ZFPM2: variants seen among roughly 807,000 people sequenced by gnomAD.
The protein encoded by ZFPM2 is zinc finger protein, FOG family member 2, also known as zinc finger protein ZFPM2.
In ZFPM2, 20 loss-of-function variants were observed where a neutral mutation model predicts 98.6. The observed-to-expected ratio is 0.20, with a 90% CI of 0.14 to 0.29. ZFPM2 has a LOEUF of 0.29. ZFPM2 is among the 10% of genes least tolerant of loss of function. ZFPM2 has a pLI of 1.00. For missense variants in ZFPM2, 1,310 were observed against 1,388.6 expected, an observed-to-expected ratio of 0.94 and a Z score of 0.90; for synonymous variants, 518 against 502.7, an observed-to-expected ratio of 1.03 and a Z score of -0.41.
intron 7 of ZFPM2, 67 bp downstream of exon 7, chr8:105,799,015 T>A: frequency 4.5e-6 from 6 of 1,340,976 alleles, no homozygotes; most frequent in Non-Finnish European, 6.3e-6. Flanking sequence ...TATATATGCA[T>A]TACATGTATA....
chr8:105,380,069 T>A (rs191718938), intron 1 of ZFPM2, among the ~76,000 whole-genome samples: 6 of 152,286 alleles, frequency 3.9e-5, no homozygotes, highest in Admixed American at 2.6e-4. Flanking sequence ...CACTCTCATC[T>A]TTCACCTAGT....
At chr8:105,599,391 T>TAAAAAAAAAA (rs71577982) in intron 4 of ZFPM2, among the ~76,000 whole-genome samples, 13 of 137,372 alleles carry the variant, frequency 9.5e-5, no homozygotes, top group Non-Finnish European at 1.4e-4. Context: ...TTTTCGTCTT[T>TAAAAAAAAAA]AAAAAAAAAA....
At chr8:105,611,492 A>G (rs917473294) in intron 4 of ZFPM2, among the ~76,000 whole-genome samples, 5 of 152,056 alleles carry the variant, frequency 3.3e-5, no homozygotes, top group Non-Finnish European at 7.3e-5. Context: ...GTAAGACAGG[A>G]CACATACTTC....
intron 4 of ZFPM2, among the ~76,000 whole-genome samples, chr8:105,598,479 T>C (rs1351766999): frequency 6.6e-6 from 1 of 152,142 alleles, no homozygotes; most frequent in Admixed American, 6.6e-5. Context: ...TTCATCAAAT[T>C]GTTTCAATGT....
rs1814142678 is a variant in ZFPM2, at chr8:105,804,447, G to A, written c.*909G>A. ...CAATACTGCACCTGGTGATCACAAAGATAATGTTCTACTTCTGATAGAAAT... is the reference window on the plus strand; with the variant it reads ...CAATACTGCACCTGGTGATCACAAAAATAATGTTCTACTTCTGATAGAAAT... On this transcript the variant is annotated 3_prime_UTR_variant, in exon 8 of 8. Coordinates refer to ENST00000407775, the MANE Select transcript of ZFPM2 (RefSeq NM_012082.4). The A allele has an allele frequency of 6.6e-6, 1 of 152,532 alleles. No homozygotes were observed. Among genetic ancestry groups the A allele is most frequent in the South Asian group, 2.1e-4 (1 of 4,822 alleles). The allele number at this position is 152,532 out of a possible 1,614,324, so 9.4% of individuals were successfully genotyped here.
At chr8:105,726,157 G>A (rs1372621) in intron 5 of ZFPM2, among the ~76,000 whole-genome samples, 23,112 of 151,518 alleles carry the variant, frequency 0.15, 2,138 homozygotes, top group East Asian at 0.32. Context: ...AGTAGGCTGC[G>A]TCTGGCTCAG....
intron 1 of ZFPM2, among the ~76,000 whole-genome samples, chr8:105,339,876 G>A (rs1045413126): frequency 2.6e-5 from 4 of 151,848 alleles, no homozygotes; most frequent in African/African-American, 9.7e-5. Flanking sequence ...CAGCAAAATT[G>A]CCCTTTGGAA....
chr8:105,705,162 A>G (rs929433577), intron 5 of ZFPM2, among the ~76,000 whole-genome samples: 1 of 152,134 alleles, frequency 6.6e-6, no homozygotes, highest in Non-Finnish European at 1.5e-5. Flanking sequence ...ATATATATAT[A>G]TATATGTATT....
At chr8:105,800,868 C>T (rs1447018760) in intron 7 of ZFPM2, among the ~76,000 whole-genome samples, 179 bp from the exon 8 acceptor site, 1 of 152,044 alleles carries the variant, frequency 6.6e-6, no homozygotes, top group African/African-American at 2.4e-5. Context: ...CTATAAAGTG[C>T]TATTAATATT....
chr8:105,788,029 C>A (rs1164389221), intron 5 of ZFPM2, among the ~76,000 whole-genome samples: 1 of 152,028 alleles, frequency 6.6e-6, no homozygotes, highest in African/African-American at 2.4e-5. Context: ...TTTAAATGAG[C>A]CTTTTTGAAA....
intron 4 of ZFPM2, among the ~76,000 whole-genome samples, chr8:105,589,300 A>G (rs1815793124): frequency 6.6e-6 from 1 of 152,224 alleles, no homozygotes; most frequent in Non-Finnish European, 1.5e-5. Context: ...ATCATAGATC[A>G]TCCAGACTTT....
At chr8:105,482,014 T>C (rs1813130270) in intron 3 of ZFPM2, among the ~76,000 whole-genome samples, 1 of 152,214 alleles carries the variant, frequency 6.6e-6, no homozygotes, top group South Asian at 2.1e-4. Flanking sequence ...GTAATCTGTA[T>C]CCCTTATTAT....
intron 5 of ZFPM2, among the ~76,000 whole-genome samples, chr8:105,638,873 T>G (rs1816898267): frequency 6.6e-6 from 1 of 152,072 alleles, no homozygotes; most frequent in South Asian, 2.1e-4. Flanking sequence ...TTATAAAAAT[T>G]TTTAAAAGTA....
chr8:105,641,447 T>C (rs1187593919), intron 5 of ZFPM2, among the ~76,000 whole-genome samples: 1 of 152,064 alleles, frequency 6.6e-6, no homozygotes. Flanking sequence ...GAATCTATGA[T>C]TGTAAAAATG....
At position 105,437,146 on chromosome 8, in the gene ZFPM2, A is replaced by G. The variant is rs1412728746; in HGVS notation, c.200-7134A>G. ...AAATTTTTTTATTAATGTGATATAT[A>G]TTGCATACCCCTTACCTAGTTTTAT... On this transcript the variant is annotated intron_variant, in intron 2 of 7. Coordinates refer to ENST00000407775, the MANE Select transcript of ZFPM2 (RefSeq NM_012082.4). Among the ~76,000 whole-genome samples the G allele has an allele frequency of 2.0e-5, 3 of 152,258 alleles. No individual in the cohort carries two copies. The East Asian group carries it at 5.8e-4, about 29-fold the overall frequency.
chr8:105,626,788 C>G (rs1305413981), intron 4 of ZFPM2, among the ~76,000 whole-genome samples: 1 of 152,114 alleles, frequency 6.6e-6, no homozygotes, highest in Non-Finnish European at 1.5e-5. Context: ...TGATCTGTTA[C>G]CCAGTTAAGG....
chr8:105,617,066 A>G (rs2130809205), intron 4 of ZFPM2, among the ~76,000 whole-genome samples: 1 of 128,622 alleles, frequency 7.8e-6, no homozygotes, highest in East Asian at 2.5e-4. Context: ...AAAAAGATCC[A>G]CACCATAAAT....
At chr8:105,408,513 G>A (rs778621349) in intron 1 of ZFPM2, among the ~76,000 whole-genome samples, 3 of 151,812 alleles carry the variant, frequency 2.0e-5, no homozygotes, top group Non-Finnish European at 4.4e-5. Context: ...TTAGGGTTTT[G>A]CAACTGGAGA....
intron 5 of ZFPM2, among the ~76,000 whole-genome samples, chr8:105,764,131 G>T (rs1812800122): frequency 6.6e-6 from 1 of 151,636 alleles, no homozygotes; most frequent in African/African-American, 2.4e-5. Flanking sequence ...GACTCTCTTT[G>T]ATCCTTTAGA....
Sources: allele counts gnomAD v4.1 joint callset (sites outside exome capture counted in the v4.1 genomes callset), GRCh38; gene constraint gnomAD v4.1.1; transcripts MANE v1.5; gene names NCBI Gene and HGNC (gene_info 2026-07-23, HGNC 2026-07-21).